SMCHD1: variants seen among roughly 807,000 people sequenced by gnomAD.
SMCHD1 encodes the protein structural maintenance of chromosomes flexible hinge domain-containing protein 1.
Under a neutral mutation model 254.7 loss-of-function variants are expected in SMCHD1, and 78 were observed. The ratio of observed to expected loss-of-function variants is 0.31; its 90% CI spans 0.26 to 0.37. The LOEUF (loss-of-function observed/expected upper bound fraction) is 0.37. Ranked by LOEUF, SMCHD1 falls within the 10% of genes least tolerant of loss-of-function variation. The pLI is 1.00. For missense variants in SMCHD1, 1,840 were observed against 2,408.1 expected (o/e 0.76, Z 4.94); for synonymous variants, 766 against 794.9 (o/e 0.96, Z 0.61).
At chr18:2,708,113 C>T (rs1163169709) in intron 17 of SMCHD1, among the ~76,000 whole-genome samples, 193 bp downstream of exon 17, 2 of 151,830 alleles carry the variant, frequency 1.3e-5, no homozygotes, top group African/African-American at 2.4e-5. Flanking sequence ...TTAAAAAATA[C>T]TTCATCTTGA....
intron 13 of SMCHD1, among the ~76,000 whole-genome samples, chr18:2,704,182 C>T (rs2074463444): frequency 6.6e-6 from 1 of 151,842 alleles, no homozygotes; most frequent in Non-Finnish European, 1.5e-5. Flanking sequence ...AATATTGGCT[C>T]CTCAGGAGCT....
At chr18:2,739,273 A>G (rs2075305129) in intron 26 of SMCHD1, among the ~76,000 whole-genome samples, 159 bp from the exon 27 acceptor site, 1 of 152,100 alleles carries the variant, frequency 6.6e-6, no homozygotes, top group Non-Finnish European at 1.5e-5. Flanking sequence ...TTTCTTTTGG[A>G]TTAATAGCAG....
chr18:2,687,570 T>C (rs1335131208), intron 5 of SMCHD1, among the ~76,000 whole-genome samples: 1 of 152,140 alleles, frequency 6.6e-6, no homozygotes, highest in East Asian at 1.9e-4. Flanking sequence ...GCTCTTTTGG[T>C]TTTCCTGGAT....
intron 5 of SMCHD1, among the ~76,000 whole-genome samples, chr18:2,675,593 A>G (rs2073728498): frequency 6.6e-6 from 1 of 151,974 alleles, no homozygotes; most frequent in Non-Finnish European, 1.5e-5. Flanking sequence ...CTATTTCACC[A>G]TTTTCATAAA....
intron 25 of SMCHD1, among the ~76,000 whole-genome samples, chr18:2,733,125 G>A (rs1450359758): frequency 6.6e-6 from 1 of 152,154 alleles, no homozygotes; most frequent in East Asian, 1.9e-4. Context: ...GCATTCCTTT[G>A]ATGGTTGACT....
chr18:2,683,492 A>T (rs1042131882), intron 5 of SMCHD1, among the ~76,000 whole-genome samples: 1 of 152,170 alleles, frequency 6.6e-6, no homozygotes, highest in African/African-American at 2.4e-5. Context: ...TGTACTCTTA[A>T]GTGATTTCAG....
At chr18:2,774,983 A>G (rs1481148625) in intron 41 of SMCHD1, among the ~76,000 whole-genome samples, 1 of 151,902 alleles carries the variant, frequency 6.6e-6, no homozygotes, top group Non-Finnish European at 1.5e-5. Flanking sequence ...GAAAAAGAAT[A>G]CTTGTGACTG....
At position 2,718,823 on chromosome 18, in the gene SMCHD1, G is replaced by A. The variant is rs1427769819; in HGVS notation, c.2458+389G>A. Among the ~76,000 whole-genome samples the A allele has an allele frequency of 6.6e-6, 1 of 152,164 alleles. No homozygotes were observed. Among genetic ancestry groups the A allele is most frequent in the South Asian group, 2.1e-4 (1 of 4,822 alleles). Reference sequence around the variant, plus strand: ...CTGCCTCAGCCTCCCAAAGTGCTGGGATTACAGATGTGAGCCACCGTGCCC... The same window carrying A: ...CTGCCTCAGCCTCCCAAAGTGCTGGAATTACAGATGTGAGCCACCGTGCCC... On this transcript the variant is annotated intron_variant, in intron 19 of 47. Transcript: ENST00000320876. The surrounding 1 kb of genome is among the most constrained non-coding windows in gnomAD (Gnocchi z 4.6).
At position 2,656,195 on chromosome 18, in the gene SMCHD1, C is replaced by G; in HGVS notation, c.120C>G (p.Leu40=). The change falls in exon 1 of 48, where the codon CTC becomes CTG. Residue 40 remains leucine (L), a synonymous_variant. Coordinates refer to ENST00000320876, the MANE Select transcript of SMCHD1 (RefSeq NM_015295.3). ...LFDRREKESE[L]GDRPLQVGER... ...ATCGGCGCGAAAAGGAGTCCGAGCT[C>G]GGGGACCGGCCTCTGCAGGTCGGGG... is the stretch of plus-strand genomic sequence containing the variant. 6.6e-7 allele frequency: 1 copy of G among 1,505,244 alleles called. No homozygotes were observed. The highest frequency in any genetic ancestry group is 8.8e-7 in the Non-Finnish European group (1 of 1,132,890). The allele number at this position is 1,505,244 out of a possible 1,614,324, so 93.2% of individuals were successfully genotyped here. A position where few individuals can be genotyped will look rare whatever the true frequency, so the allele number is the denominator to read the frequency against.
At chr18:2,760,252 A>G (rs1033974910) in intron 34 of SMCHD1, 8 of 161,048 alleles carry the variant, frequency 5.0e-5, no homozygotes, top group Middle Eastern at 3.1e-3. Flanking sequence ...ACTTGAATGG[A>G]AAAAAAGTTA....
chr18:2,733,858 G>A (rs1314150425), intron 25 of SMCHD1, among the ~76,000 whole-genome samples: 1 of 152,166 alleles, frequency 6.6e-6, no homozygotes, highest in Non-Finnish European at 1.5e-5. Flanking sequence ...CAAAATTCCA[G>A]GCTTTTGAGG....
At position 2,791,751 on chromosome 18, in the gene SMCHD1, A is replaced by G. The variant is rs562253581; in HGVS notation, c.5720-4198A>G. On this transcript the variant is annotated intron_variant, in intron 45 of 47. Coordinates refer to ENST00000320876, the MANE Select transcript of SMCHD1 (RefSeq NM_015295.3). ...GAGAAGCTCAGTAGTCTCAAAGTTG[A>G]GAAGAACAGGTTGGGAGTCCAGGAA... Among the ~76,000 whole-genome samples, 8 of 152,346 alleles carry G rather than the reference A, an allele frequency of 5.3e-5. No homozygotes were observed. In the South Asian group the frequency reaches 1.5e-3, roughly 28 times the overall value.
At chr18:2,678,068 G>A (rs118037372) in intron 5 of SMCHD1, among the ~76,000 whole-genome samples, 2,757 of 152,128 alleles carry the variant, frequency 0.018, 42 homozygotes, top group Middle Eastern at 0.099. Context: ...TCCCACTTTC[G>A]TGTACTATCA....
intron 15 of SMCHD1, among the ~76,000 whole-genome samples, chr18:2,707,139 A>C (rs1235472730): frequency 2.0e-5 from 3 of 152,202 alleles, no homozygotes; most frequent in African/African-American, 7.2e-5. Flanking sequence ...GGATGGGGAC[A>C]CAGAGCCAAA....
chr18:2,721,362 C>T (rs2074922800), intron 19 of SMCHD1, among the ~76,000 whole-genome samples: 2 of 152,122 alleles, frequency 1.3e-5, no homozygotes, highest in African/African-American at 4.8e-5. Context: ...CAAGAAGGCC[C>T]ACCTTGGAGT....
chr18:2,674,216 C>T, intron 5 of SMCHD1, 71 bp downstream of exon 5: 1 of 1,287,168 alleles, frequency 7.8e-7, no homozygotes, highest in South Asian at 1.5e-5. Flanking sequence ...ACTGGTATGC[C>T]TTTGGATGCA....
Position 2,659,453 on chromosome 18 carries a change from A to G in SMCHD1, c.186+3192A>G, listed in dbSNP as rs143305427. 2.6e-5 allele frequency among the ~76,000 whole-genome samples: 4 copies of G among 152,294 alleles called. No individual in the cohort carries two copies. In the East Asian group the frequency reaches 7.7e-4, roughly 29 times the overall value. ...ATTTGAATAAAGTTCACCTCATGGA[A>G]AAGGAGAGGGAAGAAATGGAAAGGA... On this transcript the variant is annotated intron_variant, in intron 1 of 47. Coordinates refer to ENST00000320876, the MANE Select transcript of SMCHD1 (RefSeq NM_015295.3).
rs766395572 is a variant in SMCHD1 at position 2,656,237 on chromosome 18, G to A, written c.162G>A (p.Ala54=). ...PLQVGERSDY[A]GFRACVCQTL... ...AGGTCGGGGAGCGCTCGGACTACGC[G>A]GGATTTCGCGCGTGTGTGTGTCAGG... The change falls in exon 1 of 48, where the codon GCG becomes GCA. Residue 54 remains alanine, a synonymous_variant. Coordinates refer to ENST00000320876, the MANE Select transcript of SMCHD1 (RefSeq NM_015295.3). 71 of 1,502,722 alleles carry A rather than the reference G, an allele frequency of 4.7e-5. No individual in the cohort carries two copies. Among genetic ancestry groups the A allele is most frequent in the Non-Finnish European group, 5.4e-5 (61 of 1,135,640 alleles). The allele number at this position is 1,502,722 out of a possible 1,614,324, so 93.1% of individuals were successfully genotyped here. A position where few individuals can be genotyped will look rare whatever the true frequency, so the allele number is the denominator to read the frequency against.
intron 47 of SMCHD1, among the ~76,000 whole-genome samples, chr18:2,802,048 C>T (rs2076372667): frequency 1.3e-5 from 2 of 152,048 alleles, no homozygotes; most frequent in African/African-American, 4.8e-5. Context: ...AAAATATTTA[C>T]ATATACCTGA....
Sources: allele counts gnomAD v4.1 joint callset (sites outside exome capture counted in the v4.1 genomes callset), GRCh38; gene constraint gnomAD v4.1.1; non-coding constraint Gnocchi (gnomAD v3.1); transcripts MANE v1.5; gene names NCBI Gene and HGNC (gene_info 2026-07-23, HGNC 2026-07-21).